Variants in DSCAML1 observed in about 807,000 individuals in gnomAD.
DSCAML1 encodes cell adhesion molecule DSCAML1.
DSCAML1 carries 38 observed loss-of-function variants against 200.5 expected under a neutral mutation model. That is an observed-to-expected ratio of 0.19 (90% CI 0.15 to 0.25). The LOEUF (loss-of-function observed/expected upper bound fraction) is 0.25. Ranked by LOEUF, DSCAML1 falls within the 10% of genes least tolerant of loss-of-function variation. DSCAML1 has a pLI of 1.00. For synonymous variants in DSCAML1, 1,215 were observed against 1,165.0 expected (o/e 1.04, Z -0.87); for missense variants, 2,223 against 2,858.8 (o/e 0.78, Z 5.07).
chr11:117,471,325 C>T (rs561162968), intron 15 of DSCAML1, among the ~76,000 whole-genome samples: 12 of 152,264 alleles, frequency 7.9e-5, no homozygotes, highest in Middle Eastern at 3.4e-3. Context: ...GCATGCGCCA[C>T]CACGCCCAGC....
intron 3 of DSCAML1, among the ~76,000 whole-genome samples, chr11:117,573,954 A>G (rs940105130): frequency 1.3e-5 from 2 of 152,174 alleles, no homozygotes; most frequent in African/African-American, 4.8e-5. Flanking sequence ...GATGTTCACG[A>G]GGCCAAGGCT....
intron 3 of DSCAML1, among the ~76,000 whole-genome samples, chr11:117,660,875 C>A (rs1309645488): frequency 2.0e-5 from 3 of 152,212 alleles, no homozygotes; most frequent in Non-Finnish European, 4.4e-5. Context: ...GAAAGATCCT[C>A]TGCCCCTCAA....
chr11:117,580,699 C>G (rs1387360338), intron 3 of DSCAML1, among the ~76,000 whole-genome samples: 1 of 152,184 alleles, frequency 6.6e-6, no homozygotes, highest in Non-Finnish European at 1.5e-5. Flanking sequence ...GGCAAATCAC[C>G]TGGAGCCTTC....
chr11:117,491,449 C>T (rs866682306), intron 11 of DSCAML1, among the ~76,000 whole-genome samples: 87 of 152,318 alleles, frequency 5.7e-4, no homozygotes, highest in African/African-American at 1.9e-3. Flanking sequence ...CCAGGTCATT[C>T]GTGGTCTCAT....
chr11:117,738,377 T>A (rs914534860), intron 3 of DSCAML1, among the ~76,000 whole-genome samples: 3 of 151,956 alleles, frequency 2.0e-5, no homozygotes, highest in African/African-American at 7.3e-5. Context: ...AGTAATTAGC[T>A]CTGTGTTTCT....
chr11:117,682,236 G>A (rs1467590619), intron 3 of DSCAML1, among the ~76,000 whole-genome samples: 1 of 152,244 alleles, frequency 6.6e-6, no homozygotes, highest in Middle Eastern at 3.4e-3. Context: ...TCTTCCTTGG[G>A]GAGGTGAATG....
chr11:117,442,268 ATTAG>A (rs1281502138), intron 21 of DSCAML1, among the ~76,000 whole-genome samples: 1 of 144,712 alleles, frequency 6.9e-6, no homozygotes, highest in Non-Finnish European at 1.5e-5. Context: ...GTGTGCATGT[ATTAG>A]TGTGTATAGT....
intron 3 of DSCAML1, among the ~76,000 whole-genome samples, chr11:117,657,611 C>T (rs927613698): frequency 6.6e-6 from 1 of 152,194 alleles, no homozygotes; most frequent in Admixed American, 6.5e-5. Flanking sequence ...TCCTCCTCAC[C>T]CCCATGCTTT....
intron 3 of DSCAML1, among the ~76,000 whole-genome samples, chr11:117,602,066 G>A (rs2051476104): frequency 6.6e-6 from 1 of 152,256 alleles, no homozygotes; most frequent in Admixed American, 6.5e-5. Flanking sequence ...GGCATTGCAT[G>A]TCTCCCGACT....
rs2052795007 is a variant in DSCAML1, at chr11:117,659,242, A to C, written c.511+117549T>G. ...ACCCAGTGGTCAATGGAACAGAAGA[A>C]GCTCCCTGGCTGTGACAATCACGCT... is the stretch of plus-strand genomic sequence containing the variant. On this transcript the variant is annotated intron_variant, in intron 3 of 32. Coordinates refer to ENST00000651296, the MANE Select transcript of DSCAML1 (RefSeq NM_020693.4). Among the ~76,000 whole-genome samples the C allele has an allele frequency of 2.6e-5, 4 of 152,378 alleles. No homozygotes were observed. The South Asian group carries it at 8.3e-4, about 32-fold the overall frequency.
intron 3 of DSCAML1, among the ~76,000 whole-genome samples, chr11:117,676,029 TCTG>T (rs1283859419): frequency 1.3e-5 from 2 of 152,156 alleles, no homozygotes; most frequent in Non-Finnish European, 2.9e-5. Flanking sequence ...GAGCTGCAGT[TCTG>T]CTAATGGGTT....
chr11:117,777,071 C>A lies in DSCAML1; in HGVS notation c.365-134G>T, dbSNP rs572530216. 5.3e-6 allele frequency: 5 copies of A among 940,218 alleles called. No homozygotes were observed. The East Asian group carries it at 1.3e-4, about 25-fold the overall frequency. 58.2% of individuals were successfully genotyped at this position (940,218 alleles called of 1,614,324 possible). The stretch of plus-strand genomic sequence containing the variant: ...CCTTCCCACTTCTTCCTTCCCCCAT[C>A]CTGCTTAGCCAGCCTAGAAGCCCCT... On this transcript the variant is annotated intron_variant, in intron 2 of 32. Transcript: ENST00000651296.
intron 3 of DSCAML1, among the ~76,000 whole-genome samples, chr11:117,582,329 C>T (rs1051083311): frequency 2.6e-5 from 4 of 152,166 alleles, no homozygotes; most frequent in Non-Finnish European, 2.9e-5. Context: ...CTGGGGAAGG[C>T]AGGCTTGGAT....
intron 19 of DSCAML1, among the ~76,000 whole-genome samples, chr11:117,453,922 T>A (rs915891900): frequency 8.6e-5 from 13 of 152,010 alleles, no homozygotes; most frequent in African/African-American, 3.1e-4. Flanking sequence ...TTTTGTATTT[T>A]TAGTAGAGAT....
chr11:117,438,156 C>G, intron 24 of DSCAML1, 73 bp from the exon 25 acceptor site: 1 of 1,445,020 alleles, frequency 6.9e-7, no homozygotes, highest in Non-Finnish European at 9.4e-7. Context: ...TCAGGTACCC[C>G]AACAGGGGGC....
intron 4 of DSCAML1, among the ~76,000 whole-genome samples, chr11:117,531,305 G>A (rs547884221): frequency 2.0e-5 from 3 of 152,202 alleles, no homozygotes; most frequent in African/African-American, 7.2e-5. Context: ...CTGGCAAGTC[G>A]CTTGGCTTCC....
chr11:117,518,809 G>A lies in DSCAML1; in HGVS notation c.1214-47C>T. ...CTTCAGGGTCACCAAGCCATGGAGAGACGGTCCCCCCAGCCACCCCACCTC... is the reference window on the plus strand; with the variant it reads ...CTTCAGGGTCACCAAGCCATGGAGAAACGGTCCCCCCAGCCACCCCACCTC... On this transcript the variant is annotated intron_variant, in intron 6 of 32. Coordinates refer to ENST00000651296, the MANE Select transcript of DSCAML1 (RefSeq NM_020693.4). The surrounding 1 kb of genome is among the most constrained non-coding windows in gnomAD (Gnocchi z 6.3). The A allele has an allele frequency of 6.4e-7, 1 of 1,561,292 alleles. No homozygotes were observed. Among genetic ancestry groups the A allele is most frequent in the Non-Finnish European group, 8.6e-7 (1 of 1,160,626 alleles).
At chr11:117,460,410 CTG>C (rs1054773549) in intron 18 of DSCAML1, among the ~76,000 whole-genome samples, 1 of 152,092 alleles carries the variant, frequency 6.6e-6, no homozygotes, top group African/African-American at 2.4e-5. Context: ...GGACAAATGA[CTG>C]TGAGCTGGAT....
Position 117,524,414 on chromosome 11 carries a change from G to A in DSCAML1, c.937+391C>T, listed in dbSNP as rs192905763. 7.6e-4 allele frequency among the ~76,000 whole-genome samples: 116 copies of A among 152,236 alleles called. No individual in the cohort carries two copies. In the East Asian group the frequency reaches 0.016, roughly 21 times the overall value. ...ACAGCTGCCTTGCTTCCCTTAGTTC[G>A]GACACTACCTCCCTACAAGCCCGGA... On this transcript the variant is annotated intron_variant, in intron 5 of 32. Transcript: ENST00000651296.
Sources: gnomAD v4.1 joint callset for allele counts (sites outside exome capture counted in the v4.1 genomes callset) on GRCh38, gnomAD v4.1.1 for gene constraint, Gnocchi (gnomAD v3.1) non-coding constraint, MANE v1.5 for transcripts, NCBI Gene and HGNC (gene_info 2026-07-23, HGNC 2026-07-21) for gene names.